The following RNPEP variants were observed in gnomAD, a reference collection of about 807,000 sequenced individuals.
RNPEP encodes the protein aminopeptidase B.
In RNPEP, 57 loss-of-function variants were observed where a neutral mutation model predicts 70.1. The observed-to-expected ratio is 0.81, with a 90% confidence interval of 0.66 to 1.01. The LOEUF (loss-of-function observed/expected upper bound fraction) is 1.01, where lower values mean the gene tolerates loss of function less well. RNPEP is among the 50% of genes least tolerant of loss of function. The pLI is 0.00. For missense variants in RNPEP, 787 were observed against 852.4 expected (o/e 0.92, Z 0.96); for synonymous variants, 335 against 357.4 (o/e 0.94, Z 0.71).
intron 3 of RNPEP, among the ~76,000 whole-genome samples, chr1:201,990,824 C>A (rs531987006): frequency 1.1e-4 from 17 of 152,280 alleles, no homozygotes; most frequent in Admixed American, 3.9e-4. Context: ...AGGATGTCAT[C>A]TTTGCAATAG....
chr1:201,982,703 G>T lies in RNPEP; in HGVS notation c.37G>T (p.Ala13Ser). Reference protein sequence around the residue: ...SGEHSPGSGAARRPLHSAQAV... With the variant: ...SGEHSPGSGASRRPLHSAQAV... The stretch of plus-strand genomic sequence containing the variant: ...CGAGCATTCCCCCGGCAGCGGCGCG[G>T]CCCGGCGGCCGCTGCACTCCGCGCA... The change falls in exon 1 of 11, where the codon GCC becomes TCC. Residue 13 changes from alanine to serine, a missense_variant. Physicochemically the swap from Ala to Ser is moderately conservative, Grantham distance 99. Transcript: ENST00000295640. 7.2e-7 allele frequency: 1 copy of T among 1,397,756 alleles called. No individual in the cohort carries two copies. The highest frequency in any genetic ancestry group is 9.3e-7 in the Non-Finnish European group (1 of 1,069,960). The allele number at this position is 1,397,756 out of a possible 1,614,324, so 86.6% of individuals were successfully genotyped here.
chr1:201,985,592 A>G (rs1281773170), intron 1 of RNPEP, among the ~76,000 whole-genome samples: 1 of 152,136 alleles, frequency 6.6e-6, no homozygotes, highest in Non-Finnish European at 1.5e-5. Flanking sequence ...TCCCATATAC[A>G]GTTCAGTACC....
intron 4 of RNPEP, among the ~76,000 whole-genome samples, chr1:201,996,634 C>T (rs544294193): frequency 5.3e-5 from 8 of 152,244 alleles, no homozygotes; most frequent in African/African-American, 1.4e-4. Context: ...GCTGGGATTA[C>T]AGACGCCCTC....
intron 3 of RNPEP, 81 bp downstream of exon 3, chr1:201,989,612 G>T (rs946552190): frequency 5.3e-6 from 8 of 1,503,880 alleles, no homozygotes; most frequent in Admixed American, 3.6e-5. Context: ...CTGCTGGGGG[G>T]GTTCTTGGGC....
intron 1 of RNPEP, chr1:201,983,335 T>A (rs1009043598): frequency 2.5e-5 from 36 of 1,466,852 alleles, no homozygotes; most frequent in African/African-American, 2.9e-5. Flanking sequence ...CTCCAGCCAC[T>A]GGGCGGTGCA....
chr1:202,000,899 A>G (rs1238991887), intron 6 of RNPEP: 2 of 154,196 alleles, frequency 1.3e-5, no homozygotes, highest in Non-Finnish European at 2.9e-5. Flanking sequence ...GTCTTAAAAA[A>G]AAAAAAAAAA....
At chr1:201,983,822 C>T (rs1300090686) in intron 1 of RNPEP, 17 of 1,051,756 alleles carry the variant, frequency 1.6e-5, no homozygotes, top group Non-Finnish European at 2.0e-5. Flanking sequence ...TGGCTTATGT[C>T]TGTAAGAGTC....
At position 201,997,277 on chromosome 1, in the gene RNPEP, G is replaced by A. The variant is rs375271239; in HGVS notation, c.855-42G>A. 95 of 1,521,584 alleles carry A rather than the reference G, an allele frequency of 6.2e-5. No homozygotes were observed. The Admixed American group carries it at 6.5e-4, about 10-fold the overall frequency. 94.3% of individuals were successfully genotyped at this position (1,521,584 alleles called of 1,614,324 possible). ...AGGGAGGCGAGGTAGGGTCTGCTCC[G>A]GGAAGCCAGGGCCTCTTGGTGACCT... On this transcript the variant is annotated intron_variant, in intron 4 of 10. Coordinates refer to ENST00000295640, the MANE Select transcript of RNPEP (RefSeq NM_020216.4).
intron 3 of RNPEP, among the ~76,000 whole-genome samples, chr1:201,994,579 T>G (rs1302811478): frequency 6.6e-6 from 1 of 152,140 alleles, no homozygotes; most frequent in Non-Finnish European, 1.5e-5. Flanking sequence ...TATCTTTTCT[T>G]CCTGTTAGAA....
Position 201,997,409 on chromosome 1 carries a change from G to A in RNPEP, c.945G>A (p.Gly315=), listed in dbSNP as rs760034088. 1.2e-6 allele frequency: 2 copies of A among 1,613,978 alleles called. No homozygotes were observed. Among genetic ancestry groups the A allele is most frequent in the East Asian group, 2.2e-5 (1 of 44,880 alleles). ...TTGTCACCCCCTGCCTGCTAGCTGG[G>A]GACCGCTCCTTGGCAGATGTCATCA... The part of the protein sequence containing the change: ...LTFVTPCLLA[G]DRSLADVIIH... Residue 315 remains glycine, a synonymous_variant, in exon 5 of 11, where the codon GGG becomes GGA. Coordinates refer to ENST00000295640, the MANE Select transcript of RNPEP (RefSeq NM_020216.4).
chr1:201,987,729 C>CA (rs1179137075), intron 1 of RNPEP, among the ~76,000 whole-genome samples: 1 of 151,814 alleles, frequency 6.6e-6, no homozygotes, highest in Non-Finnish European at 1.5e-5. Flanking sequence ...TGAGCCACTG[C>CA]ACCCAACCCA....
At chr1:202,000,885 C>G (rs1683767989) in intron 6 of RNPEP, 1 of 120,600 alleles carries the variant, frequency 8.3e-6, no homozygotes, top group Non-Finnish European at 1.7e-5. Flanking sequence ...TAGAGCAAGA[C>G]TCCGTCTTAA....
intron 5 of RNPEP, among the ~76,000 whole-genome samples, chr1:201,999,394 C>T (rs894115688): frequency 1.3e-5 from 2 of 151,916 alleles, no homozygotes; most frequent in African/African-American, 4.8e-5. Flanking sequence ...CAAAAATTAG[C>T]TGGGCGTGGT....
intron 1 of RNPEP, among the ~76,000 whole-genome samples, chr1:201,985,848 A>G (rs1001221638): frequency 2.0e-5 from 3 of 152,142 alleles, no homozygotes; most frequent in African/African-American, 7.2e-5. Context: ...AGAATTCCAC[A>G]TTATATTTAG....
rs200795347 is a variant in RNPEP at position 201,984,821 on chromosome 1, C to CTTT, written c.447+1742_447+1744dup. On this transcript the variant is annotated intron_variant, in intron 1 of 10. Transcript: ENST00000295640. Reference sequence around the variant, plus strand: ...TTACTGCTAACTTTTGTATTTCTTTCTTTTTTTTTTTTTTTTTTTTTTTTT... The same window carrying CTTT: ...TTACTGCTAACTTTTGTATTTCTTTCTTTTTTTTTTTTTTTTTTTTTTTTTTTT... 1.1e-4 allele frequency among the ~76,000 whole-genome samples: 14 copies of CTTT among 121,990 alleles called. 1 individual carries two copies. Among genetic ancestry groups the CTTT allele is most frequent in the African/African-American group, 1.9e-4 (6 of 30,896 alleles). 80.0% of individuals were successfully genotyped at this position (121,990 alleles called of 152,430 possible).
intron 5 of RNPEP, among the ~76,000 whole-genome samples, chr1:201,998,179 A>G (rs1232887965): frequency 6.6e-6 from 1 of 151,634 alleles, no homozygotes; most frequent in Non-Finnish European, 1.5e-5. Flanking sequence ...TATTCATATC[A>G]GATGATTTCA....
At chr1:201,988,483 AC>A (rs1433947213) in intron 1 of RNPEP, among the ~76,000 whole-genome samples, 5 of 149,230 alleles carry the variant, frequency 3.4e-5, no homozygotes, top group South Asian at 2.1e-4. Context: ...AAAAAAAAAA[AC>A]ATATTAATCA....
intron 3 of RNPEP, among the ~76,000 whole-genome samples, chr1:201,994,015 A>G (rs1445935007): frequency 6.6e-6 from 1 of 151,232 alleles, no homozygotes; most frequent in Non-Finnish European, 1.5e-5. Flanking sequence ...TACGGATAAC[A>G]TATGTGATGC....
chr1:201,996,713 C>T (rs1271216085), intron 4 of RNPEP, among the ~76,000 whole-genome samples: 4 of 152,012 alleles, frequency 2.6e-5, no homozygotes, highest in Admixed American at 6.6e-5. Flanking sequence ...AGGCTGGTCT[C>T]GAACTCCTGA....
Sources: gnomAD v4.1 joint callset for allele counts (sites outside exome capture counted in the v4.1 genomes callset) on GRCh38, gnomAD v4.1.1 for gene constraint, MANE v1.5 for transcripts, NCBI Gene and HGNC (gene_info 2026-07-23, HGNC 2026-07-21) for gene names.